Variants in TBC1D23 observed in about 807,000 individuals in gnomAD.
The protein encoded by TBC1D23 is HCV non-structural protein 4A-transactivated protein 1.
A neutral mutation model predicts 91.4 loss-of-function variants in TBC1D23; 55 were observed. The observed-to-expected ratio is 0.60, with a 90% CI of 0.48 to 0.75. The LOEUF is 0.75. Among genes scored for constraint, TBC1D23 ranks in the 30% least tolerant of loss-of-function variants. TBC1D23 has a pLI of 0.00. For missense variants in TBC1D23, 725 were observed against 836.1 expected (o/e 0.87, Z 1.64); for synonymous variants, 289 against 281.0 (o/e 1.03, Z -0.28).
At chr3:100,287,328 T>A (rs1194285034) in intron 4 of TBC1D23, among the ~76,000 whole-genome samples, 1 of 152,162 alleles carries the variant, frequency 6.6e-6, no homozygotes, top group African/African-American at 2.4e-5. Context: ...GCATGTCTTA[T>A]TACAGTTTCA....
chr3:100,316,147 G>T lies in TBC1D23; in HGVS notation c.1647G>T (p.Lys549Asn). Residue 549 changes from lysine (K) to asparagine (N), a missense_variant, in exon 16 of 19, where the codon AAG becomes AAT. Physicochemically the swap from Lys to Asn is moderately conservative, Grantham distance 94. Coordinates refer to ENST00000394144, the MANE Select transcript of TBC1D23 (RefSeq NM_001199198.3). ...TGGGCAAGCCTTACCGTGGCGTAAAGCCTGTTTTCAGCATTGGGGATGAAG... is the reference window on the plus strand; with the variant it reads ...TGGGCAAGCCTTACCGTGGCGTAAATCCTGTTTTCAGCATTGGGGATGAAG... ...DRVGKPYRGV[K>N]PVFSIGDEEE... 2 of 1,614,134 alleles carry T rather than the reference G, an allele frequency of 1.2e-6. No individual in the cohort carries two copies. The highest frequency in any genetic ancestry group is 8.5e-7 in the Non-Finnish European group (1 of 1,179,994).
intron 2 of TBC1D23, among the ~76,000 whole-genome samples, chr3:100,280,122 C>T (rs141992445): frequency 6.6e-6 from 1 of 151,754 alleles, no homozygotes; most frequent in South Asian, 2.1e-4. Flanking sequence ...CCATCTCTAC[C>T]AAGAGGCCGA....
At chr3:100,315,602 C>CA (rs1220424257) in intron 15 of TBC1D23, among the ~76,000 whole-genome samples, 4 of 152,182 alleles carry the variant, frequency 2.6e-5, no homozygotes. Flanking sequence ...CTTAACCAAT[C>CA]ATATTGGAAT....
chr3:100,302,365 TC>T, intron 11 of TBC1D23, 128 bp downstream of exon 11: 2 of 675,856 alleles, frequency 3.0e-6, no homozygotes, highest in Non-Finnish European at 4.5e-6. Flanking sequence ...GTTAAGGTCT[TC>T]TCCAGATTTT....
At chr3:100,288,140 G>A (rs990579069) in intron 4 of TBC1D23, among the ~76,000 whole-genome samples, 1 of 151,578 alleles carries the variant, frequency 6.6e-6, no homozygotes, top group Admixed American at 6.6e-5. Flanking sequence ...AGCTACTCAG[G>A]AGGCTAAGTG....
intron 5 of TBC1D23, among the ~76,000 whole-genome samples, chr3:100,292,047 G>A (rs775377831): frequency 6.6e-6 from 1 of 152,124 alleles, no homozygotes; most frequent in East Asian, 1.9e-4. Context: ...TTACAGGCCT[G>A]AGCCACCACA....
intron 15 of TBC1D23, among the ~76,000 whole-genome samples, chr3:100,315,498 CA>C (rs1214597021): frequency 5.3e-5 from 8 of 152,198 alleles, no homozygotes; most frequent in African/African-American, 1.9e-4. Context: ...ATTTACACAA[CA>C]AAAGTAGAAT....
At chr3:100,262,254 CAA>C (rs1437789385) in intron 1 of TBC1D23, among the ~76,000 whole-genome samples, 4 of 151,916 alleles carry the variant, frequency 2.6e-5, no homozygotes, top group Non-Finnish European at 5.9e-5. Context: ...GAGTGTGATT[CAA>C]AGTGTTACGA....
chr3:100,268,305 A>G (rs1336164582), intron 1 of TBC1D23, among the ~76,000 whole-genome samples: 1 of 152,136 alleles, frequency 6.6e-6, no homozygotes, highest in East Asian at 1.9e-4. Context: ...GAAATCCTTT[A>G]TTTTGTGAAT....
intron 1 of TBC1D23, among the ~76,000 whole-genome samples, chr3:100,269,111 C>T (rs1311612869): frequency 6.6e-6 from 1 of 152,122 alleles, no homozygotes; most frequent in East Asian, 1.9e-4. Context: ...ATTTTAGTAG[C>T]TTATAGAATA....
Position 100,271,984 on chromosome 3 carries a change from G to A in TBC1D23, c.54-7665G>A, listed in dbSNP as rs147318523. On this transcript the variant is annotated intron_variant, in intron 1 of 18. Transcript: ENST00000394144. Reference sequence around the variant, plus strand: ...AGGACATAAAGTGAAGCCACATGAAGGCTTTTCTAACGAATCCATGCCACC... The same window carrying A: ...AGGACATAAAGTGAAGCCACATGAAAGCTTTTCTAACGAATCCATGCCACC... 1.7e-3 allele frequency among the ~76,000 whole-genome samples: 253 copies of A among 152,278 alleles called. 2 individuals are homozygous for A. Among genetic ancestry groups the A allele is most frequent in the East Asian group, 0.016 (83 of 5,180 alleles).
intron 10 of TBC1D23, 137 bp from the exon 11 acceptor site, chr3:100,301,930 T>G (rs1380190509): frequency 6.5e-6 from 4 of 618,320 alleles, no homozygotes; most frequent in African/African-American, 3.8e-5. Context: ...GGATTTTATT[T>G]ATAAGAGCCT....
Position 100,323,775 on chromosome 3 carries a change from G to A in TBC1D23, c.*107G>A. On this transcript the variant is annotated 3_prime_UTR_variant, in exon 19 of 19. Coordinates refer to ENST00000394144, the MANE Select transcript of TBC1D23 (RefSeq NM_001199198.3). ...AGACCTTTCATTTGCTCATGGGGCT[G>A]CTTAAATAGCAGGTCTAAGAAAGTG... 5.0e-6 allele frequency: 2 copies of A among 399,050 alleles called. No individual in the cohort carries two copies. Among genetic ancestry groups the A allele is most frequent in the Non-Finnish European group, 8.5e-6 (2 of 234,754 alleles). 24.7% of individuals were successfully genotyped at this position (399,050 alleles called of 1,614,324 possible).
At chr3:100,300,361 A>G (rs1705400806) in intron 10 of TBC1D23, among the ~76,000 whole-genome samples, 1 of 152,186 alleles carries the variant, frequency 6.6e-6, no homozygotes, top group Admixed American at 6.5e-5. Context: ...ATTGAGGAAG[A>G]ACTAACAGAT....
chr3:100,315,453 C>T (rs946001161), intron 15 of TBC1D23, among the ~76,000 whole-genome samples: 9 of 152,060 alleles, frequency 5.9e-5, no homozygotes, highest in East Asian at 5.8e-4. Flanking sequence ...TGAGCCACCG[C>T]GCCCGGCCGA....
At chr3:100,273,720 C>T (rs1029586257) in intron 1 of TBC1D23, among the ~76,000 whole-genome samples, 2 of 152,080 alleles carry the variant, frequency 1.3e-5, no homozygotes, top group Admixed American at 1.3e-4. Flanking sequence ...AGACTGCACA[C>T]CTACAACTGT....
intron 1 of TBC1D23, among the ~76,000 whole-genome samples, chr3:100,264,096 A>G (rs1282696571): frequency 6.6e-6 from 1 of 152,180 alleles, no homozygotes; most frequent in Non-Finnish European, 1.5e-5. Flanking sequence ...ATTGGGAGCC[A>G]GAGGTTCAGT....
At chr3:100,306,682 T>C in intron 13 of TBC1D23, 139 bp downstream of exon 13, 1 of 543,896 alleles carries the variant, frequency 1.8e-6, no homozygotes, top group South Asian at 2.3e-5. Context: ...TATTGTGAGA[T>C]TAATGAGATG....
Position 100,296,258 on chromosome 3 carries a change from C to G in TBC1D23, c.859C>G (p.Pro287Ala). The stretch of plus-strand genomic sequence containing the variant: ...GGCTCAGTATTATTGCAGCAAAACA[C>G]CGGCTTCTTTTAGGAAGGTATAAGA... ...SLAQYYCSKTPASFRKDNHHL... is the reference protein window; with the variant it reads ...SLAQYYCSKTAASFRKDNHHL... Residue 287 changes from proline to alanine, a missense_variant, in exon 8 of 19, where the codon CCG becomes GCG. Coordinates refer to ENST00000394144, the MANE Select transcript of TBC1D23 (RefSeq NM_001199198.3). 1.2e-6 allele frequency: 2 copies of G among 1,600,534 alleles called. No individual in the cohort carries two copies. The highest frequency in any genetic ancestry group is 1.7e-6 in the Non-Finnish European group (2 of 1,171,638).
Sources: gnomAD v4.1 joint callset for allele counts (sites outside exome capture counted in the v4.1 genomes callset) on GRCh38, gnomAD v4.1.1 for gene constraint, MANE v1.5 for transcripts, NCBI Gene and HGNC (gene_info 2026-07-23, HGNC 2026-07-21) for gene names.